The following ABCC9 variants were observed in gnomAD, a reference collection of about 807,000 sequenced individuals.
ABCC9 encodes the protein ATP binding cassette subfamily C member 9.
In ABCC9, 95 loss-of-function variants were observed where a neutral mutation model predicts 188.3. The observed-to-expected ratio is 0.50, with a 90% CI of 0.43 to 0.60. The LOEUF is 0.60. ABCC9 is among the 20% of genes least tolerant of loss of function. The probability of loss-of-function intolerance (pLI) is 0.00; values close to 1 mark genes in which losing one functional copy is unlikely to be tolerated. For synonymous variants in ABCC9, 659 were observed against 652.7 expected (o/e 1.01, Z -0.15); for missense variants, 1,102 against 1,876.3 (o/e 0.59, Z 7.62).
In ABCC9 at chr12:21,910,189, G is replaced by A. The variant is rs1281745650; in HGVS notation, c.1288C>T (p.Leu430=). The A allele has an allele frequency of 6.2e-7, 1 of 1,611,422 alleles. No individual in the cohort carries two copies. Among genetic ancestry groups the A allele is most frequent in the Admixed American group, 1.7e-5 (1 of 59,852 alleles). The change falls in exon 10 of 40, where the codon CTG becomes TTG. Residue 430 remains leucine, a synonymous_variant. Transcript: ENST00000261200. ...GGCATAGCCCATAGATTGGGACACA[G>A]GAACAAAAACCACATGAGTTGATTA... ...ETNQLMWFLF[L]CPNLWAMPVQ...
chr12:21,888,102 A>T (rs1186919429), intron 14 of ABCC9, 168 bp from the exon 15 acceptor site: 2 of 625,782 alleles, frequency 3.2e-6, no homozygotes, highest in African/African-American at 1.8e-5. Flanking sequence ...AACATCCTAA[A>T]TTGCTGAGGA....
In ABCC9 at chr12:21,805,154, G is replaced by A. The variant is rs1470520571; in HGVS notation, c.4512+844C>T. The stretch of plus-strand genomic sequence containing the variant: ...TAACTACCGGAGAATGACAGACTTG[G>A]TGCAATAGATCATGATGGTCTACTT... On this transcript the variant is annotated intron_variant, in intron 39 of 39. Coordinates refer to ENST00000261200, the MANE Select transcript of ABCC9 (RefSeq NM_020297.4). 5.6e-6 allele frequency: 9 copies of A among 1,613,736 alleles called. No homozygotes were observed. In the Admixed American group the frequency reaches 1.2e-4, roughly 21 times the overall value.
intron 31 of ABCC9, among the ~76,000 whole-genome samples, chr12:21,823,679 AT>A (rs1271716872): frequency 6.6e-6 from 1 of 152,228 alleles, no homozygotes; most frequent in African/African-American, 2.4e-5. Flanking sequence ...AAGTTACACC[AT>A]TTTTGCAACT....
In ABCC9 at chr12:21,888,086, C is replaced by T. The variant is rs547910865; in HGVS notation, c.1803-152G>A. 5.0e-5 allele frequency: 34 copies of T among 673,966 alleles called. No homozygotes were observed. The African/African-American group carries it at 5.5e-4, about 11-fold the overall frequency. The allele number at this position is 673,966 out of a possible 1,614,324, so 41.7% of individuals were successfully genotyped here. A position where few individuals can be genotyped will look rare whatever the true frequency, so the allele number is the denominator to read the frequency against. Reference sequence around the variant, plus strand: ...AGACCAACTGGGAATTCAGCTAGATCGACCAAACATCCTAAATTGCTGAGG... The same window carrying T: ...AGACCAACTGGGAATTCAGCTAGATTGACCAAACATCCTAAATTGCTGAGG... On this transcript the variant is annotated intron_variant, in intron 14 of 39. Transcript: ENST00000261200.
chr12:21,918,104 G>C (rs1214147211), intron 5 of ABCC9, among the ~76,000 whole-genome samples: 8 of 151,822 alleles, frequency 5.3e-5, no homozygotes, highest in Non-Finnish European at 1.0e-4. Flanking sequence ...TTAAAAGTAA[G>C]TAGATGGGAA....
At chr12:21,928,427 GAAA>G (rs1029069915) in intron 4 of ABCC9, among the ~76,000 whole-genome samples, 4 of 144,112 alleles carry the variant, frequency 2.8e-5, no homozygotes, top group Non-Finnish European at 4.5e-5. Flanking sequence ...AAAGAAGAAA[GAAA>G]AAAAGAAAAG....
intron 32 of ABCC9, 46 bp from the exon 33 acceptor site, chr12:21,817,353 G>T: frequency 2.5e-6 from 4 of 1,600,690 alleles, no homozygotes; most frequent in Non-Finnish European, 3.4e-6. Flanking sequence ...ATTAAAGTAA[G>T]AAGTTGTGGT....
chr12:21,864,467 A>C lies in ABCC9; in HGVS notation c.2209T>G (p.Ser737Ala), dbSNP rs1426412968. Reference protein sequence around the residue: ...GKVHWSNVNESEPSFEATRSR... With the variant: ...GKVHWSNVNEAEPSFEATRSR... ...CTGGTTGCTTCAAAAGAAGGCTCAGATTCATTTACACTGCAAGTATGGCAA... is the reference window on the plus strand; with the variant it reads ...CTGGTTGCTTCAAAAGAAGGCTCAGCTTCATTTACACTGCAAGTATGGCAA... The change falls in exon 19 of 40, where the codon TCT becomes GCT. Residue 737 changes from serine (S) to alanine (A), a missense_variant. Around this residue, in one of 12 missense-constraint regions of ABCC9, gnomAD observed 258 missense variants for 325.6 expected, o/e 0.79. Coordinates refer to ENST00000261200, the MANE Select transcript of ABCC9 (RefSeq NM_020297.4). The C allele has an allele frequency of 2.5e-6, 4 of 1,593,318 alleles. No individual in the cohort carries two copies. In the South Asian group the frequency reaches 3.3e-5, roughly 13 times the overall value.
intron 26 of ABCC9, 143 bp downstream of exon 26, chr12:21,845,460 G>T: frequency 3.0e-6 from 2 of 660,768 alleles, no homozygotes; most frequent in South Asian, 1.9e-5. Context: ...TCTATTTCAG[G>T]TCCTGTTGTA....
At chr12:21,930,998 C>A (rs1035736907) in intron 4 of ABCC9, among the ~76,000 whole-genome samples, 1 of 151,986 alleles carries the variant, frequency 6.6e-6, no homozygotes, top group African/African-American at 2.4e-5. Context: ...TTTTAAAGTA[C>A]CTGAGTTCAG....
At position 21,852,241 on chromosome 12, in the gene ABCC9, C is replaced by T. The variant is rs73254534; in HGVS notation, c.2644-19G>A. The T allele has an allele frequency of 8.7e-4, 1,402 of 1,613,654 alleles. 14 individuals are homozygous for T. The African/African-American group carries it at 0.016, about 19-fold the overall frequency. On this transcript the variant is annotated intron_variant, in intron 23 of 39. Coordinates refer to ENST00000261200, the MANE Select transcript of ABCC9 (RefSeq NM_020297.4). Reference sequence around the variant, plus strand: ...CTATGATCTAAGGAAAGCGGATATTCCCAGAAATGTGACGAAAAGCCTTGA... The same window carrying T: ...CTATGATCTAAGGAAAGCGGATATTTCCAGAAATGTGACGAAAAGCCTTGA...
chr12:21,893,089 G>A (rs954356812), intron 14 of ABCC9, among the ~76,000 whole-genome samples: 2 of 152,104 alleles, frequency 1.3e-5, no homozygotes, highest in African/African-American at 4.8e-5. Context: ...CTTTTTAAGA[G>A]TGCCTTATTT....
intron 31 of ABCC9, among the ~76,000 whole-genome samples, chr12:21,820,288 T>C (rs1438085580): frequency 6.6e-6 from 1 of 152,060 alleles, no homozygotes; most frequent in Non-Finnish European, 1.5e-5. Context: ...GAAATTTCTG[T>C]GAGTGGTGTA....
At chr12:21,823,312 A>C (rs1943164128) in intron 31 of ABCC9, among the ~76,000 whole-genome samples, 1 of 152,204 alleles carries the variant, frequency 6.6e-6, no homozygotes, top group Non-Finnish European at 1.5e-5. Flanking sequence ...ATTATAATGA[A>C]AACTGTAATT....
At position 21,882,858 on chromosome 12, in the gene ABCC9, T is replaced by G. The variant is rs138890128; in HGVS notation, c.1927A>C (p.Asn643His). Residue 643 changes from asparagine to histidine, a missense_variant, in exon 16 of 40, where the codon AAC becomes CAC. Asn to His is a moderately conservative substitution (Grantham distance 68). This residue lies in a region of ABCC9 where 258 missense variants were observed against 325.6 expected (regional missense o/e 0.79). Transcript: ENST00000261200. The part of the protein sequence containing the change: ...KHTGVQPKTI[N>H]RKQPGRYHLD... Reference sequence around the variant, plus strand: ...TGATATCTTCCAGGCTGTTTCCTGTTTATAGTTTTTGGCTGCTGCATTCCA... The same window carrying G: ...TGATATCTTCCAGGCTGTTTCCTGTGTATAGTTTTTGGCTGCTGCATTCCA... 5.0e-6 allele frequency: 8 copies of G among 1,613,866 alleles called. No individual in the cohort carries two copies. Among genetic ancestry groups the G allele is most frequent in the Non-Finnish European group, 5.9e-6 (7 of 1,179,888 alleles).
chr12:21,844,835 C>G lies in ABCC9; in HGVS notation c.3177G>C (p.Trp1059Cys), dbSNP rs749956738. ...LCLVTSLTVE[W>C]MGLTAAKNLH... ...GATTTTTGGCAGCTGTGAGACCCAT[C>G]CATTCTACAGTGAGGGATGTAACAA... Residue 1059 changes from tryptophan (W) to cysteine (C), a missense_variant, in exon 27 of 40, where the codon TGG becomes TGC. Physicochemically the swap from Trp to Cys is radical, Grantham distance 215. This residue lies in a region of ABCC9 where 74 missense variants were observed against 132.7 expected (regional missense o/e 0.56). Transcript: ENST00000261200. The G allele has an allele frequency of 1.2e-6, 2 of 1,613,958 alleles. No homozygotes were observed. Among genetic ancestry groups the G allele is most frequent in the East Asian group, 2.2e-5 (1 of 44,870 alleles).
At chr12:21,856,421 T>C (rs1945227470) in intron 22 of ABCC9, among the ~76,000 whole-genome samples, 1 of 152,172 alleles carries the variant, frequency 6.6e-6, no homozygotes, top group Non-Finnish European at 1.5e-5. Context: ...GCTTAAATAG[T>C]ATATTCTTTA....
In ABCC9 at chr12:21,908,208, T is replaced by C. The variant is rs1178137115; in HGVS notation, c.1324A>G (p.Ile442Val). Reference sequence around the variant, plus strand: ...TTATAGAGCAGAATCACGCCCATTATGATCTAGAGAGAAAAACACATGGAA... The same window carrying C: ...TTATAGAGCAGAATCACGCCCATTACGATCTAGAGAGAAAAACACATGGAA... ...PNLWAMPVQIIMGVILLYNLL... is the reference protein window; with the variant it reads ...PNLWAMPVQIVMGVILLYNLL... Residue 442 changes from isoleucine (I) to valine (V), a missense_variant, in exon 11 of 40, where the codon ATA (isoleucine) becomes GTA (valine). Ile to Val is a conservative substitution (Grantham distance 29). This residue lies in a region of ABCC9 where 305 missense variants were observed against 573.0 expected (regional missense o/e 0.53). Coordinates refer to ENST00000261200, the MANE Select transcript of ABCC9 (RefSeq NM_020297.4). The C allele has an allele frequency of 1.9e-6, 3 of 1,612,354 alleles. No homozygotes were observed. Among genetic ancestry groups the C allele is most frequent in the Admixed American group, 1.7e-5 (1 of 59,826 alleles).
At chr12:21,888,891 G>T (rs1157770996) in intron 14 of ABCC9, among the ~76,000 whole-genome samples, 1 of 132,190 alleles carries the variant, frequency 7.6e-6, no homozygotes. Flanking sequence ...GCTCCTTTTG[G>T]CAAGCTAGGA....
Sources: allele counts gnomAD v4.1 joint callset (sites outside exome capture counted in the v4.1 genomes callset), GRCh38; gene constraint gnomAD v4.1.1; regional missense constraint gnomAD v4.1.1; transcripts MANE v1.5; gene names NCBI Gene and HGNC (gene_info 2026-07-23, HGNC 2026-07-21).